Variants in MTMR2 observed in about 807,000 individuals in gnomAD.
The protein encoded by MTMR2 is phosphatidylinositol-3,5-bisphosphate 3-phosphatase MTMR2.
Under a neutral mutation model 86.9 loss-of-function variants are expected in MTMR2, and 55 were observed. The observed-to-expected ratio is 0.63, with a 90% CI of 0.51 to 0.79. MTMR2 has a LOEUF of 0.79. Ranked by LOEUF, MTMR2 falls within the 30% of genes least tolerant of loss-of-function variation. MTMR2 has a pLI of 0.00. For missense variants in MTMR2, 659 were observed against 772.3 expected (o/e 0.85, Z 1.74); for synonymous variants, 241 against 266.8 (o/e 0.90, Z 0.94).
chr11:95,839,997 AT>A (rs1863471957), intron 12 of MTMR2: 1 of 152,190 alleles, frequency 6.6e-6, no homozygotes, highest in African/African-American at 2.4e-5. Context: ...AGTTAACAAA[AT>A]TAAAATTACT....
At chr11:95,923,484 C>T (rs7110786) in intron 1 of MTMR2, among the ~76,000 whole-genome samples, 56,162 of 151,082 alleles carry the variant, frequency 0.37, 10,830 homozygotes, top group Non-Finnish European at 0.42. Flanking sequence ...GGAGGAAAGA[C>T]TGACTTTAGG....
At chr11:95,881,706 A>G (rs1865326904) in intron 2 of MTMR2, among the ~76,000 whole-genome samples, 1 of 152,122 alleles carries the variant, frequency 6.6e-6, no homozygotes, top group Non-Finnish European at 1.5e-5. Context: ...AAGCTATACA[A>G]TTAGTTCTGG....
At chr11:95,908,628 G>A (rs568733072) in intron 1 of MTMR2, among the ~76,000 whole-genome samples, 1 of 152,142 alleles carries the variant, frequency 6.6e-6, no homozygotes, top group Admixed American at 6.5e-5. Flanking sequence ...GCATGATACT[G>A]GTACAAAAAC....
At chr11:95,845,366 A>G (rs1863742310) in intron 10 of MTMR2, among the ~76,000 whole-genome samples, 1 of 152,162 alleles carries the variant, frequency 6.6e-6, no homozygotes, top group Non-Finnish European at 1.5e-5. Context: ...GCTGACTCCT[A>G]TTAATTTGCC....
intron 7 of MTMR2, among the ~76,000 whole-genome samples, chr11:95,851,892 AC>A (rs1370151831): frequency 6.6e-6 from 1 of 152,234 alleles, no homozygotes; most frequent in African/African-American, 2.4e-5. Context: ...TTTTTAAAAA[AC>A]ATATCAACTA....
chr11:95,889,069 T>G (rs889051141), intron 1 of MTMR2, among the ~76,000 whole-genome samples: 2 of 152,116 alleles, frequency 1.3e-5, no homozygotes, highest in African/African-American at 4.8e-5. Context: ...GCCTGAAGTA[T>G]CTACTTCTTC....
chr11:95,862,561 A>G (rs996573150), intron 3 of MTMR2, among the ~76,000 whole-genome samples, 195 bp from the exon 4 acceptor site: 9 of 152,220 alleles, frequency 5.9e-5, no homozygotes, highest in Admixed American at 5.9e-4. Flanking sequence ...ACACAGAATT[A>G]AATGGGATAG....
chr11:95,905,804 G>A (rs1866251946), intron 1 of MTMR2, among the ~76,000 whole-genome samples: 1 of 151,990 alleles, frequency 6.6e-6, no homozygotes, highest in South Asian at 2.1e-4. Flanking sequence ...AATAAAAATA[G>A]TAGGCCAGAT....
intron 1 of MTMR2, among the ~76,000 whole-genome samples, chr11:95,922,959 T>G (rs2135654709): frequency 6.6e-6 from 1 of 152,342 alleles, no homozygotes; most frequent in Admixed American, 6.5e-5. Flanking sequence ...ATTAGACTAT[T>G]ATTCAGTGGA....
At chr11:95,884,551 TC>T (rs1277980921) in intron 2 of MTMR2, among the ~76,000 whole-genome samples, 1 of 152,200 alleles carries the variant, frequency 6.6e-6, no homozygotes, top group Non-Finnish European at 1.5e-5. Flanking sequence ...CTGTCAGGTT[TC>T]TCATTTGTCA....
At chr11:95,914,403 G>C (rs1866624579) in intron 1 of MTMR2, 1 of 982,468 alleles carries the variant, frequency 1.0e-6, no homozygotes, top group South Asian at 4.7e-5. Context: ...TGCAGGGCAG[G>C]GAGTGGTGGG....
chr11:95,881,013 G>T (rs113709816), intron 2 of MTMR2, among the ~76,000 whole-genome samples: 3 of 151,674 alleles, frequency 2.0e-5, no homozygotes, highest in South Asian at 4.2e-4. Flanking sequence ...TCCTGATATC[G>T]TAAGTCATAA....
rs527330757 is a variant in MTMR2, at chr11:95,879,343, C to T, written c.186+8813G>A. 8.5e-5 allele frequency among the ~76,000 whole-genome samples: 13 copies of T among 152,248 alleles called. No homozygotes were observed. The South Asian group carries it at 2.7e-3, about 32-fold the overall frequency. On this transcript the variant is annotated intron_variant, in intron 2 of 14. Transcript: ENST00000346299. ...GAGGGGAGGGCAGATGAGAAATGAA[C>T]CACATATTGTCACCAGATTTGAAAC...
intron 1 of MTMR2, among the ~76,000 whole-genome samples, chr11:95,894,140 C>A (rs559291776): frequency 3.4e-4 from 52 of 152,234 alleles, no homozygotes; most frequent in African/African-American, 1.2e-3. Flanking sequence ...CCTTTGATAA[C>A]CCTATTGTAT....
chr11:95,911,333 A>T (rs1483606785), intron 1 of MTMR2, among the ~76,000 whole-genome samples: 1 of 152,202 alleles, frequency 6.6e-6, no homozygotes, highest in African/African-American at 2.4e-5. Flanking sequence ...CAGAGTCTGA[A>T]CAACCAGTTT....
intron 1 of MTMR2, among the ~76,000 whole-genome samples, chr11:95,895,963 T>C (rs1865867476): frequency 1.3e-5 from 2 of 152,128 alleles, no homozygotes; most frequent in Non-Finnish European, 2.9e-5. Flanking sequence ...CCTACTGCTC[T>C]CAAGATAAAG....
At chr11:95,853,821 G>A (rs566289428) in intron 7 of MTMR2, among the ~76,000 whole-genome samples, 2 of 152,104 alleles carry the variant, frequency 1.3e-5, no homozygotes, top group Non-Finnish European at 2.9e-5. Context: ...TGAACCACAG[G>A]AAGTTTCCAT....
chr11:95,847,825 A>G lies in MTMR2; in HGVS notation c.1068T>C (p.Ile356=). The G allele has an allele frequency of 6.2e-7, 1 of 1,613,692 alleles. No homozygotes were observed. Among genetic ancestry groups the G allele is most frequent in the Non-Finnish European group, 8.5e-7 (1 of 1,179,690 alleles). Residue 356 remains isoleucine (I), a synonymous_variant, in exon 10 of 15, where the codon ATT becomes ATC. Coordinates refer to ENST00000346299, the MANE Select transcript of MTMR2 (RefSeq NM_016156.6). ...AELVFLDIHN[I]HVMRESLRKL... Reference sequence around the variant, plus strand: ...TTCGTAATGATTCTCTCATAACATGAATATTGTGGATATCCAGGAAAACTA... The same window carrying G: ...TTCGTAATGATTCTCTCATAACATGGATATTGTGGATATCCAGGAAAACTA...
intron 1 of MTMR2, among the ~76,000 whole-genome samples, chr11:95,921,866 A>G (rs945721337): frequency 2.0e-5 from 3 of 152,206 alleles, no homozygotes; most frequent in Admixed American, 6.5e-5. Context: ...TGTCAGTAAC[A>G]TAATTTTTTA....
Sources: gnomAD v4.1 joint callset for allele counts (sites outside exome capture counted in the v4.1 genomes callset) on GRCh38, gnomAD v4.1.1 for gene constraint, MANE v1.5 for transcripts, NCBI Gene and HGNC (gene_info 2026-07-23, HGNC 2026-07-21) for gene names.